ADGRB3: variants seen among roughly 807,000 people sequenced by gnomAD.
ADGRB3 encodes adhesion G protein-coupled receptor B3, also known as brain-specific angiogenesis inhibitor 3.
ADGRB3 carries 37 observed loss-of-function variants against 193.4 expected under a neutral mutation model. The ratio of observed to expected loss-of-function variants is 0.19; its 90% CI spans 0.15 to 0.25. ADGRB3 has a LOEUF of 0.25. Ranked by LOEUF, ADGRB3 falls within the 10% of genes least tolerant of loss-of-function variation. The pLI is 1.00. For synonymous variants in ADGRB3, 690 were observed against 644.2 expected, an observed-to-expected ratio of 1.07 and a Z score of -1.08; for missense variants, 1,637 against 1,852.9, an observed-to-expected ratio of 0.88 and a Z score of 2.14.
chr6:68,664,138 T>C (rs928851046), intron 3 of ADGRB3, among the ~76,000 whole-genome samples: 3 of 151,856 alleles, frequency 2.0e-5, no homozygotes, highest in Non-Finnish European at 4.4e-5. Flanking sequence ...CATAGCATCC[T>C]ACATTTTTAG....
intron 17 of ADGRB3, among the ~76,000 whole-genome samples, chr6:69,124,940 G>A (rs571346244): frequency 1.3e-5 from 2 of 151,308 alleles, no homozygotes; most frequent in African/African-American, 4.9e-5. Context: ...CATATTTATG[G>A]ATGAAGAATG....
rs770195651 is a variant in ADGRB3 at position 69,049,366 on chromosome 6, A to C, written c.2333+20A>C. The C allele has an allele frequency of 1.9e-5, 30 of 1,550,818 alleles. No homozygotes were observed. Among genetic ancestry groups the C allele is most frequent in the African/African-American group, 2.7e-5 (2 of 72,920 alleles). ...TTTGAGGTAAGCTACAAAGTAATAA[A>C]CTGTTGTAATTTTGTAAATTATTCC... is the stretch of plus-strand genomic sequence containing the variant. On this transcript the variant is annotated intron_variant, in intron 15 of 31. Coordinates refer to ENST00000370598, the MANE Select transcript of ADGRB3 (RefSeq NM_001704.3).
At chr6:69,085,396 T>A (rs893924909) in intron 17 of ADGRB3, among the ~76,000 whole-genome samples, 14 of 152,058 alleles carry the variant, frequency 9.2e-5, no homozygotes, top group African/African-American at 3.1e-4. Context: ...TATTAATGGG[T>A]ATAGTATTAA....
At chr6:68,909,705 G>A (rs572346419) in intron 3 of ADGRB3, among the ~76,000 whole-genome samples, 6 of 152,240 alleles carry the variant, frequency 3.9e-5, no homozygotes, top group African/African-American at 1.4e-4. Context: ...GGACTTAAAT[G>A]GTTCCTATCA....
At chr6:68,824,260 A>G (rs1453988871) in intron 3 of ADGRB3, among the ~76,000 whole-genome samples, 1 of 151,610 alleles carries the variant, frequency 6.6e-6, no homozygotes, top group Non-Finnish European at 1.5e-5. Context: ...AAGAGTTTTG[A>G]TTTAGTTTTG....
intron 20 of ADGRB3, among the ~76,000 whole-genome samples, chr6:69,257,458 C>T (rs185065391): frequency 1.3e-5 from 2 of 152,234 alleles, no homozygotes. Context: ...AGGAATTTAT[C>T]CATTTCTTCT....
chr6:69,286,498 G>A (rs1767554958), intron 20 of ADGRB3, among the ~76,000 whole-genome samples: 1 of 152,180 alleles, frequency 6.6e-6, no homozygotes, highest in Non-Finnish European at 1.5e-5. Context: ...AAGGTTCTGT[G>A]TGCCAGACAT....
chr6:68,745,462 A>C (rs1180211130), intron 3 of ADGRB3, among the ~76,000 whole-genome samples: 1 of 152,132 alleles, frequency 6.6e-6, no homozygotes, highest in African/African-American at 2.4e-5. Context: ...GAGTTGTTTA[A>C]TGAGTATAGA....
chr6:69,122,734 TTTTTTCAGCAAAA>T (rs1773746557), intron 17 of ADGRB3, among the ~76,000 whole-genome samples: 1 of 151,950 alleles, frequency 6.6e-6, no homozygotes, highest in Non-Finnish European at 1.5e-5. Context: ...ACCAAGTCTA[TTTTTTCAGCAAAA>T]ATATATATTT....
chr6:69,272,713 T>C (rs1392703305), intron 20 of ADGRB3, among the ~76,000 whole-genome samples: 1 of 152,138 alleles, frequency 6.6e-6, no homozygotes, highest in Admixed American at 6.6e-5. Context: ...AAAGTATAAG[T>C]CTGTTACAAC....
chr6:69,009,779 C>G (rs529977508), intron 11 of ADGRB3, among the ~76,000 whole-genome samples: 3 of 152,044 alleles, frequency 2.0e-5, no homozygotes, highest in Non-Finnish European at 4.4e-5. Context: ...TTGTCTTTGT[C>G]CCTTGATGTC....
chr6:69,006,126 C>G (rs577898510), intron 11 of ADGRB3, among the ~76,000 whole-genome samples: 1 of 147,324 alleles, frequency 6.8e-6, no homozygotes, highest in African/African-American at 2.7e-5. Context: ...TAAGAGCAAA[C>G]TCAAGATGAT....
intron 17 of ADGRB3, among the ~76,000 whole-genome samples, chr6:69,210,446 G>T (rs759405931): frequency 6.6e-6 from 1 of 151,820 alleles, no homozygotes. Context: ...GTCTTTCCCC[G>T]CCTACGGACT....
At chr6:68,913,387 G>A (rs191137512) in intron 3 of ADGRB3, among the ~76,000 whole-genome samples, 132 of 152,300 alleles carry the variant, frequency 8.7e-4, no homozygotes, top group African/African-American at 2.2e-3. Context: ...CGTGGTTCAC[G>A]AAAATCCGCT....
chr6:68,956,831 C>A, intron 8 of ADGRB3, 22 bp downstream of exon 8: 4 of 1,594,514 alleles, frequency 2.5e-6, no homozygotes, highest in Non-Finnish European at 2.6e-6. Flanking sequence ...CCCAAATTAT[C>A]CCAAAAGAAA....
chr6:68,899,782 A>T (rs1440899423), intron 3 of ADGRB3, among the ~76,000 whole-genome samples: 2 of 151,484 alleles, frequency 1.3e-5, no homozygotes, highest in South Asian at 2.1e-4. Flanking sequence ...CAATAATAAG[A>T]ATATATATTA....
At chr6:69,205,331 C>G (rs1765514326) in intron 17 of ADGRB3, among the ~76,000 whole-genome samples, 1 of 151,950 alleles carries the variant, frequency 6.6e-6, no homozygotes, top group Non-Finnish European at 1.5e-5. Flanking sequence ...CTCAGTTATA[C>G]TGGCCCTATG....
At chr6:69,139,175 G>A (rs903186918) in intron 17 of ADGRB3, among the ~76,000 whole-genome samples, 9 of 152,100 alleles carry the variant, frequency 5.9e-5, no homozygotes, top group Non-Finnish European at 7.4e-5. Context: ...GCGCTTTACC[G>A]GGGCTGCCCT....
At chr6:68,922,952 G>T (rs920322970) in intron 3 of ADGRB3, among the ~76,000 whole-genome samples, 1 of 152,070 alleles carries the variant, frequency 6.6e-6, no homozygotes, top group Admixed American at 6.6e-5. Context: ...GAATTTTTAC[G>T]TAGTAGAAAA....
Sources: gnomAD v4.1 joint callset for allele counts (sites outside exome capture counted in the v4.1 genomes callset) on GRCh38, gnomAD v4.1.1 for gene constraint, MANE v1.5 for transcripts, NCBI Gene and HGNC (gene_info 2026-07-23, HGNC 2026-07-21) for gene names.